DPYD: variants seen among roughly 807,000 people sequenced by gnomAD.
The protein encoded by DPYD is dihydropyrimidine dehydrogenase, also known as dihydropyrimidine dehydrogenase [NADP(+)].
Under a neutral mutation model 116.2 loss-of-function variants are expected in DPYD, and 109 were observed. That is an observed-to-expected ratio of 0.94 (90% CI 0.80 to 1.10). The LOEUF is 1.10. Ranked by LOEUF, DPYD falls within the 50% of genes least tolerant of loss-of-function variation. DPYD has a pLI of 0.00. For missense variants in DPYD, 1,302 were observed against 1,254.5 expected, an observed-to-expected ratio of 1.04 and a Z score of -0.57; for synonymous variants, 440 against 432.0, an observed-to-expected ratio of 1.02 and a Z score of -0.23.
chr1:97,515,096 T>C (rs974143075), intron 13 of DPYD, among the ~76,000 whole-genome samples: 3 of 151,938 alleles, frequency 2.0e-5, no homozygotes, highest in African/African-American at 7.2e-5. Context: ...CATATAAGGA[T>C]GCAATCCTCT....
chr1:97,527,794 G>GAAAAAAAAAAA (rs35111926), intron 12 of DPYD, among the ~76,000 whole-genome samples: 1 of 112,772 alleles, frequency 8.9e-6, no homozygotes, highest in Non-Finnish European at 1.8e-5. Flanking sequence ...ATGAAATTTG[G>GAAAAAAAAAAA]AAAAAAAAAA....
Position 97,079,138 on chromosome 1 carries a change from CT to C in DPYD, c.2915del (p.Gln972ArgfsTer11). 1 of 1,613,358 alleles carries C rather than the reference CT, an allele frequency of 6.2e-7. No homozygotes were observed. Among genetic ancestry groups the C allele is most frequent in the Non-Finnish European group, 8.5e-7 (1 of 1,179,560 alleles). ...TCNDSGYQAI[Q>X]FDPETHLPTI... is the part of the protein sequence containing the mutation. Reference sequence around the variant, plus strand: ...TGGGCAGGTGGGTTTCTGGATCAAACTGTATAGCCTGCAAACAGAAATAGAG... The same window carrying C: ...TGGGCAGGTGGGTTTCTGGATCAAACGTATAGCCTGCAAACAGAAATAGAG... On this transcript the variant is annotated frameshift_variant, in exon 23 of 23. Coordinates refer to ENST00000370192, the MANE Select transcript of DPYD (RefSeq NM_000110.4). LOFTEE classifies it high-confidence loss of function.
At chr1:97,498,094 T>C (rs1485888414) in intron 13 of DPYD, among the ~76,000 whole-genome samples, 2 of 151,746 alleles carry the variant, frequency 1.3e-5, no homozygotes, top group East Asian at 3.9e-4. Context: ...TTTGTTTATA[T>C]CAAATGTACT....
At position 97,740,480 on chromosome 1, in the gene DPYD, C is replaced by T. The variant is rs1390835864; in HGVS notation, c.234-1G>A. The T allele has an allele frequency of 6.2e-7, 1 of 1,611,394 alleles. No homozygotes were observed. The highest frequency in any genetic ancestry group is 2.2e-5 in the East Asian group (1 of 44,798). ...CGGGGCATCTGCACATTTCAGGCAT[C>T]TAGGAAATAAAATAACTATGTTAAG... On this transcript the variant is annotated splice_acceptor_variant, in intron 3 of 22. Transcript: ENST00000370192. LOFTEE classifies it high-confidence loss of function.
intron 8 of DPYD, among the ~76,000 whole-genome samples, chr1:97,610,610 G>A (rs1451789421): frequency 1.3e-5 from 2 of 151,992 alleles, no homozygotes; most frequent in African/African-American, 4.8e-5. Context: ...TACGCGATGG[G>A]TTAAAAAGCA....
intron 18 of DPYD, among the ~76,000 whole-genome samples, chr1:97,284,128 T>C (rs1468379674): frequency 1.3e-5 from 2 of 152,158 alleles, no homozygotes; most frequent in Admixed American, 6.5e-5. Flanking sequence ...TTAACAATAA[T>C]GGTATTTTCT....
chr1:97,333,807 A>C (rs1033098772), intron 16 of DPYD, among the ~76,000 whole-genome samples: 1 of 152,158 alleles, frequency 6.6e-6, no homozygotes, highest in Admixed American at 6.5e-5. Flanking sequence ...GGCATGAGCC[A>C]CCGCACCCAG....
chr1:97,390,065 A>C (rs1049136393), intron 14 of DPYD, among the ~76,000 whole-genome samples: 1 of 152,090 alleles, frequency 6.6e-6, no homozygotes, highest in Non-Finnish European at 1.5e-5. Flanking sequence ...GAAGAACAAC[A>C]TAAAACTTGC....
intron 21 of DPYD, among the ~76,000 whole-genome samples, chr1:97,089,569 T>C (rs1236999862): frequency 6.6e-6 from 1 of 152,182 alleles, no homozygotes; most frequent in Admixed American, 6.5e-5. Context: ...TTTCTTCTTT[T>C]ATCTCATTCT....
chr1:97,701,998 T>C (rs1455103362), intron 5 of DPYD, among the ~76,000 whole-genome samples: 1 of 151,696 alleles, frequency 6.6e-6, no homozygotes, highest in Non-Finnish European at 1.5e-5. Context: ...ATTTGTATAA[T>C]TTACAAATTA....
intron 14 of DPYD, among the ~76,000 whole-genome samples, chr1:97,427,508 C>T (rs1674937705): frequency 2.0e-5 from 3 of 151,962 alleles, no homozygotes; most frequent in African/African-American, 7.3e-5. Flanking sequence ...AAAATAATTT[C>T]ACAGGTGATT....
Position 97,593,391 on chromosome 1 carries a change from AATG to A in DPYD, c.959-7_959-5del. 5 of 1,614,018 alleles carry A rather than the reference AATG, an allele frequency of 3.1e-6. No individual in the cohort carries two copies. The highest frequency in any genetic ancestry group is 4.2e-6 in the Non-Finnish European group (5 of 1,180,016). On this transcript the variant is annotated splice_region_variant and splice_polypyrimidine_tract_variant and intron_variant, in intron 9 of 22. Coordinates refer to ENST00000370192, the MANE Select transcript of DPYD (RefSeq NM_000110.4). ...GGAGAGTGACAGGCGCACATTCCTG[AATG>A]ATGAAAGGAAAACCCCATTTTCAAG...
chr1:97,519,690 T>C (rs1648495831), intron 12 of DPYD, among the ~76,000 whole-genome samples: 1 of 152,170 alleles, frequency 6.6e-6, no homozygotes, highest in Non-Finnish European at 1.5e-5. Flanking sequence ...GCTAAATGAA[T>C]ATCTGTAAGT....
intron 18 of DPYD, among the ~76,000 whole-genome samples, chr1:97,290,824 G>T (rs143735753): frequency 0.012 from 1,849 of 152,216 alleles, 32 homozygotes; most frequent in Middle Eastern, 0.044. Context: ...ACAAAAGCCA[G>T]AGTTAACAAA....
chr1:97,555,660 A>C (rs1055521149), intron 11 of DPYD, among the ~76,000 whole-genome samples: 2 of 152,146 alleles, frequency 1.3e-5, no homozygotes, highest in Non-Finnish European at 2.9e-5. Flanking sequence ...AAAAGCCATC[A>C]CATGGGAACT....
At chr1:97,381,267 T>C (rs967845036) in intron 15 of DPYD, among the ~76,000 whole-genome samples, 16 of 152,180 alleles carry the variant, frequency 1.1e-4, no homozygotes, top group Non-Finnish European at 4.4e-5. Flanking sequence ...AGTTTGCTTA[T>C]AATTAAAGGC....
chr1:97,297,131 A>G (rs768991303), intron 18 of DPYD, among the ~76,000 whole-genome samples: 2 of 152,214 alleles, frequency 1.3e-5, no homozygotes, highest in Admixed American at 6.5e-5. Flanking sequence ...TGTACTGTAT[A>G]TAAAAATCTT....
chr1:97,596,055 T>A (rs1041621474), intron 8 of DPYD, among the ~76,000 whole-genome samples: 1 of 151,990 alleles, frequency 6.6e-6, no homozygotes, highest in Non-Finnish European at 1.5e-5. Flanking sequence ...AAAGGTTTAA[T>A]GCACAAAAAT....
At chr1:97,904,776 G>T (rs1220617810) in intron 1 of DPYD, among the ~76,000 whole-genome samples, 1 of 151,968 alleles carries the variant, frequency 6.6e-6, no homozygotes, top group South Asian at 2.1e-4. Flanking sequence ...ATGTTAATCA[G>T]CTTGTTTACT....
Sources: gnomAD v4.1 joint callset for allele counts (sites outside exome capture counted in the v4.1 genomes callset) on GRCh38, gnomAD v4.1.1 for gene constraint, MANE v1.5 for transcripts, NCBI Gene and HGNC (gene_info 2026-07-23, HGNC 2026-07-21) for gene names.